Variants in UBE2E3 observed in about 807,000 individuals in gnomAD.
The protein encoded by UBE2E3 is ubiquitin-conjugating enzyme E2 E3.
In UBE2E3, 5 loss-of-function variants were observed where a neutral mutation model predicts 23.6. The observed-to-expected ratio is 0.21, with a 90% confidence interval of 0.11 to 0.44. The LOEUF (loss-of-function observed/expected upper bound fraction) is 0.44, where lower values mean the gene tolerates loss of function less well. Ranked by LOEUF, UBE2E3 falls within the 20% of genes least tolerant of loss-of-function variation. UBE2E3 has a pLI of 0.99. For missense variants in UBE2E3, 81 were observed against 249.8 expected (o/e 0.32, Z 4.55); for synonymous variants, 78 against 87.5 (o/e 0.89, Z 0.60).
chr2:181,033,454 T>A (rs1335341685), intron 3 of UBE2E3, among the ~76,000 whole-genome samples: 1 of 152,108 alleles, frequency 6.6e-6, no homozygotes, highest in African/African-American at 2.4e-5. Context: ...TAATAAATGG[T>A]GCTGGGAAAA....
intron 3 of UBE2E3, among the ~76,000 whole-genome samples, chr2:181,041,233 T>TAAAAAAAAA (rs1559132246): frequency 5.5e-5 from 1 of 18,082 alleles, no homozygotes; most frequent in Non-Finnish European, 9.9e-5. Context: ...AGACTCCGTC[T>TAAAAAAAAA]CAAAAAAAAA....
rs764541701 is a variant in UBE2E3 at position 180,992,226 on chromosome 2, TG to T, written c.245+8136del. On this transcript the variant is annotated intron_variant, in intron 3 of 5. Coordinates refer to ENST00000410062, the MANE Select transcript of UBE2E3 (RefSeq NM_006357.4). ...CGTTTTTAAGTTGTTCTTTGTTTAC[TG>T]GGTTGTTTTTCCACTTTGCTTTCAA... Among the ~76,000 whole-genome samples the T allele has an allele frequency of 6.6e-5, 10 of 150,848 alleles. No homozygotes were observed. The East Asian group carries it at 1.5e-3, about 23-fold the overall frequency.
chr2:181,017,305 G>T (rs1186166500), intron 3 of UBE2E3, among the ~76,000 whole-genome samples: 1 of 152,142 alleles, frequency 6.6e-6, no homozygotes, highest in East Asian at 1.9e-4. Context: ...GTCCAGGAGG[G>T]GCCAGTGGGA....
chr2:181,005,426 A>C (rs1685121616), intron 3 of UBE2E3, among the ~76,000 whole-genome samples: 2 of 152,338 alleles, frequency 1.3e-5, no homozygotes, highest in African/African-American at 4.8e-5. Context: ...CAGGATAGGA[A>C]TGGCATTAAT....
intron 3 of UBE2E3, among the ~76,000 whole-genome samples, chr2:181,002,359 A>G (rs1395006496): frequency 1.3e-5 from 2 of 152,212 alleles, no homozygotes; most frequent in African/African-American, 4.8e-5. Flanking sequence ...AAGAGGTTGT[A>G]TGAAAAAGTA....
At chr2:181,041,871 A>G (rs1043963354) in intron 3 of UBE2E3, among the ~76,000 whole-genome samples, 2 of 152,224 alleles carry the variant, frequency 1.3e-5, no homozygotes, top group Non-Finnish European at 1.5e-5. Flanking sequence ...GTGTGAGTCA[A>G]AACACCTCAT....
intron 3 of UBE2E3, among the ~76,000 whole-genome samples, chr2:181,023,413 A>G (rs1243708751): frequency 6.6e-6 from 1 of 152,182 alleles, no homozygotes; most frequent in Admixed American, 6.6e-5. Flanking sequence ...TATTGCCACA[A>G]AAACTCCATT....
At chr2:181,027,311 C>A (rs1685926316) in intron 3 of UBE2E3, among the ~76,000 whole-genome samples, 1 of 151,858 alleles carries the variant, frequency 6.6e-6, no homozygotes, top group African/African-American at 2.4e-5. Flanking sequence ...GTTACAATAT[C>A]CTGCTTTTTG....
rs187449029 is a variant in UBE2E3 at position 181,005,778 on chromosome 2, A to G, written c.245+21685A>G. 1.6e-4 allele frequency among the ~76,000 whole-genome samples: 24 copies of G among 152,300 alleles called. 1 individual carries two copies. The highest frequency in any genetic ancestry group is 6.8e-3 in the Middle Eastern group (2 of 294). ...TTAATCTTTTGTATATGTATTTAAT[A>G]TTTTTGTGAATCTGAAGTTACCTTT... On this transcript the variant is annotated intron_variant, in intron 3 of 5. Coordinates refer to ENST00000410062, the MANE Select transcript of UBE2E3 (RefSeq NM_006357.4).
At chr2:180,997,013 C>T (rs1684841097) in intron 3 of UBE2E3, among the ~76,000 whole-genome samples, 1 of 151,950 alleles carries the variant, frequency 6.6e-6, no homozygotes, top group Non-Finnish European at 1.5e-5. Flanking sequence ...CTGTGTATCC[C>T]TTTGATCTTT....
chr2:181,054,996 A>G (rs1686948850), intron 3 of UBE2E3, among the ~76,000 whole-genome samples: 1 of 151,820 alleles, frequency 6.6e-6, no homozygotes, highest in South Asian at 2.1e-4. Flanking sequence ...GGCTGTGTCA[A>G]ATGTTGCTGG....
At chr2:181,035,708 C>T (rs1001579904) in intron 3 of UBE2E3, among the ~76,000 whole-genome samples, 2 of 151,944 alleles carry the variant, frequency 1.3e-5, no homozygotes, top group South Asian at 2.1e-4. Flanking sequence ...TTAAGCTCAT[C>T]GGGTGTCATT....
intron 5 of UBE2E3, among the ~76,000 whole-genome samples, chr2:181,061,529 G>A (rs1687150596): frequency 6.6e-6 from 1 of 151,522 alleles, no homozygotes; most frequent in Admixed American, 6.6e-5. Context: ...ATAATAGAAG[G>A]CTTCTTGTTC....
chr2:180,987,518 G>A lies in UBE2E3; in HGVS notation c.245+3425G>A, dbSNP rs1684518202. Reference sequence around the variant, plus strand: ...ATACTGGAGATATTTGGGGGTATTTGTATTAATAAATAGTTTCTTGATGTG... The same window carrying A: ...ATACTGGAGATATTTGGGGGTATTTATATTAATAAATAGTTTCTTGATGTG... On this transcript the variant is annotated intron_variant, in intron 3 of 5. Transcript: ENST00000410062. The A allele has an allele frequency of 4.4e-6, 5 of 1,126,386 alleles. No homozygotes were observed. The Admixed American group carries it at 1.4e-4, about 31-fold the overall frequency. The allele number at this position is 1,126,386 out of a possible 1,614,324, so 69.8% of individuals were successfully genotyped here. A position where few individuals can be genotyped will look rare whatever the true frequency, so the allele number is the denominator to read the frequency against.
chr2:181,046,683 C>A (rs1370034435), intron 3 of UBE2E3, among the ~76,000 whole-genome samples: 1 of 152,052 alleles, frequency 6.6e-6, no homozygotes, highest in Non-Finnish European at 1.5e-5. Flanking sequence ...TAATCTTAGC[C>A]AAGATTTCTA....
intron 3 of UBE2E3, among the ~76,000 whole-genome samples, chr2:180,984,982 T>C (rs934855287): frequency 2.6e-5 from 4 of 152,140 alleles, no homozygotes; most frequent in African/African-American, 9.7e-5. Context: ...TTTTATGGTT[T>C]GATAGGACAA....
At chr2:181,019,377 C>A (rs1001336428) in intron 3 of UBE2E3, among the ~76,000 whole-genome samples, 7 of 152,212 alleles carry the variant, frequency 4.6e-5, no homozygotes, top group Non-Finnish European at 1.0e-4. Flanking sequence ...CACTCAGAAG[C>A]ATATTAACCT....
intron 4 of UBE2E3, 70 bp from the exon 5 acceptor site, chr2:181,060,594 AT>A (rs546469157): frequency 8.6e-4 from 1,136 of 1,318,574 alleles, no homozygotes; most frequent in South Asian, 1.6e-3. Context: ...ATTACCCTTC[AT>A]TTTTTTTTAG....
intron 3 of UBE2E3, among the ~76,000 whole-genome samples, chr2:181,000,689 G>A (rs1217904063): frequency 1.3e-5 from 2 of 151,820 alleles, no homozygotes; most frequent in South Asian, 2.1e-4. Flanking sequence ...TGAGTAGCTG[G>A]GACTACAGGC....
Sources: allele counts gnomAD v4.1 joint callset (sites outside exome capture counted in the v4.1 genomes callset), GRCh38; gene constraint gnomAD v4.1.1; transcripts MANE v1.5; gene names NCBI Gene and HGNC (gene_info 2026-07-23, HGNC 2026-07-21).